The following LCTL variants were observed in gnomAD, a reference collection of about 807,000 sequenced individuals.
LCTL encodes lactase like, also known as lactase-like protein.
Under a neutral mutation model 75.8 loss-of-function variants are expected in LCTL, and 76 were observed. The observed-to-expected ratio is 1.00, with a 90% CI of 0.83 to 1.21. LCTL has a LOEUF of 1.21. Among genes scored for constraint, LCTL ranks in the 50% most tolerant of loss-of-function variants. The pLI, the probability that LCTL is intolerant of heterozygous loss-of-function variation, is 0.00. For synonymous variants in LCTL, 271 were observed against 268.8 expected (o/e 1.01, Z -0.08); for missense variants, 670 against 712.4 (o/e 0.94, Z 0.68).
At chr15:66,548,316 C>A in exon 13 of LCTL, 1 of 381,906 alleles carries the variant, frequency 2.6e-6, no homozygotes, top group Non-Finnish European at 4.7e-6. Context: ...TTTTTAATTT[C>A]TGCTTATTTT....
intron 10 of LCTL, 69 bp downstream of exon 11, chr15:66,551,974 A>C: frequency 6.4e-7 from 1 of 1,566,402 alleles, no homozygotes; most frequent in South Asian, 1.2e-5. Context: ...GTTTCAGTTG[A>C]TTGTGTGTTA....
chr15:66,561,892 G>T (rs376519529), intron 4 of LCTL, among the ~76,000 whole-genome samples: 9 of 152,196 alleles, frequency 5.9e-5, no homozygotes, highest in African/African-American at 2.2e-4. Flanking sequence ...AGTCATCTTA[G>T]CTCAGCACTC....
At chr15:66,561,416 C>T (rs561548104) in intron 4 of LCTL, 101 bp from the exon 6 acceptor site, 85 of 1,318,526 alleles carry the variant, frequency 6.4e-5, no homozygotes, top group Admixed American at 1.1e-4. Context: ...GGAGGGAGGC[C>T]GCACAGGGAG....
intron 9 of LCTL, among the ~76,000 whole-genome samples, chr15:66,552,738 C>T (rs1050852977): frequency 2.0e-5 from 3 of 150,616 alleles, no homozygotes; most frequent in African/African-American, 7.3e-5. Flanking sequence ...GCCACATATT[C>T]CAGTTTAGGT....
chr15:66,554,154 G>GGTGGT (rs1269363670), intron 8 of LCTL, among the ~76,000 whole-genome samples: 2 of 151,708 alleles, frequency 1.3e-5, no homozygotes, highest in Non-Finnish European at 1.5e-5. Flanking sequence ...AGCCAGGGGT[G>GGTGGT]GTGGTGCGTG....
Position 66,548,624 on chromosome 15 carries a change from C to T in LCTL, c.1589-19G>A, listed in dbSNP as rs747127021. 4.0e-6 allele frequency: 5 copies of T among 1,260,854 alleles called. No homozygotes were observed. Among genetic ancestry groups the T allele is most frequent in the Admixed American group, 3.4e-5 (2 of 59,410 alleles). The allele number at this position is 1,260,854 out of a possible 1,614,324, so 78.1% of individuals were successfully genotyped here. A position where few individuals can be genotyped will look rare whatever the true frequency, so the allele number is the denominator to read the frequency against. On this transcript the variant is annotated intron_variant, in intron 12 of 12. Transcript: ENST00000341509. ...AAGGGCTCTGAAATGACAAAGAGAA[C>T]GAGCACCACAAATGAGAACAGGATC...
chr15:66,560,236 G>A (rs1395920931), intron 6 of LCTL, among the ~76,000 whole-genome samples: 3 of 152,126 alleles, frequency 2.0e-5, no homozygotes, highest in Non-Finnish European at 2.9e-5. Flanking sequence ...TTCCAGCTTA[G>A]ACAGATTGTC....
Position 66,563,499 on chromosome 15 carries a change from C to G in LCTL, c.480+17G>C. ...GTTGAGTCCCCTTTGGGCCTGTGAG[C>G]CTGCTCAGGTCCTCACCTGTGGCAG... On this transcript the variant is annotated intron_variant, in intron 4 of 12. Transcript: ENST00000341509. 5.0e-6 allele frequency: 8 copies of G among 1,590,534 alleles called. No individual in the cohort carries two copies. Among genetic ancestry groups the G allele is most frequent in the Non-Finnish European group, 6.9e-6 (8 of 1,160,596 alleles).
chr15:66,561,153 G>A (rs1895877004), intron 5 of LCTL, 34 bp downstream of exon 6: 2 of 1,614,080 alleles, frequency 1.2e-6, no homozygotes, highest in South Asian at 1.1e-5. Flanking sequence ...GGCAGGGAGT[G>A]TCACATTCTC....
exon 1 of LCTL, chr15:66,565,416 C>G: frequency 5.0e-6 from 6 of 1,211,606 alleles, no homozygotes; most frequent in Non-Finnish European, 5.9e-6. Context: ...CTCTGCAGGC[C>G]CCTGCAGCCA....
rs772124989 is a variant in LCTL at position 66,553,280 on chromosome 15, A to G, written c.923-22T>C. The G allele has an allele frequency of 2.0e-6, 3 of 1,512,916 alleles. No individual in the cohort carries two copies. In the East Asian group the frequency reaches 7.1e-5, roughly 36 times the overall value. The allele number at this position is 1,512,916 out of a possible 1,614,324, so 93.7% of individuals were successfully genotyped here. A position where few individuals can be genotyped will look rare whatever the true frequency, so the allele number is the denominator to read the frequency against. ...CTTCCTTTTGAGAGAGAAAAGTAGA[A>G]TTTAACAAAGCCTTATTTTCTCCCA... On this transcript the variant is annotated intron_variant, in intron 8 of 12. Coordinates refer to ENST00000341509, the Ensembl canonical transcript of LCTL.
rs772172378 is a variant in LCTL, at chr15:66,553,180, C to T, written c.1001G>A (p.Gly334Asp). The T allele has an allele frequency of 9.3e-6, 15 of 1,610,802 alleles. 1 individual carries two copies. In the South Asian group the frequency reaches 1.4e-4, roughly 15 times the overall value. Residue 334 changes from glycine to aspartate, a missense_variant, in exon 9 of 13, where the codon GGC becomes GAC. By Grantham distance (94) the Gly-to-Asp change is moderately conservative. Transcript: ENST00000341509. ...ACCTAATCCCAAGAAATCGGATGTG[C>T]CTTTAATGTAGCTCTTCTCCTGGAG...
Position 66,564,641 on chromosome 15 carries a change from G to A in LCTL, c.282+35C>T, listed in dbSNP as rs201985615. On this transcript the variant is annotated intron_variant, in intron 2 of 12. Coordinates refer to ENST00000341509, the Ensembl canonical transcript of LCTL. ...CATGTACTCACATGTGTGTGCACGC[G>A]CGCGCACACACACACACTCACACCC... is the stretch of plus-strand genomic sequence containing the variant. The A allele has an allele frequency of 7.3e-5, 117 of 1,598,906 alleles. 1 individual carries two copies. Among genetic ancestry groups the A allele is most frequent in the South Asian group, 8.9e-5 (8 of 90,008 alleles).
chr15:66,552,673 A>G (rs1391342317), intron 9 of LCTL, among the ~76,000 whole-genome samples: 1 of 142,396 alleles, frequency 7.0e-6, no homozygotes, highest in Non-Finnish European at 1.6e-5. Context: ...GTCTCAAAAA[A>G]AAAAAAAAAA....
chr15:66,561,140 A>G, intron 5 of LCTL, 39 bp from the exon 7 acceptor site: 1 of 1,614,158 alleles, frequency 6.2e-7, no homozygotes, highest in South Asian at 1.1e-5. Context: ...ATCCATAAGA[A>G]GTGGCAGGGA....
chr15:66,564,920 C>T (rs746550159), intron 1 of LCTL, 81 bp from the exon 3 acceptor site: 1 of 1,373,240 alleles, frequency 7.3e-7, no homozygotes, highest in Non-Finnish European at 1.0e-6. Flanking sequence ...GCCTCCCAGG[C>T]CTCAGGGACT....
At chr15:66,554,556 A>T (rs1487171541) in intron 8 of LCTL, among the ~76,000 whole-genome samples, 1 of 152,232 alleles carries the variant, frequency 6.6e-6, no homozygotes, top group African/African-American at 2.4e-5. Flanking sequence ...CATCTTTCAA[A>T]GTTGTAAAAG....
At chr15:66,553,642 C>G (rs1374896850) in intron 8 of LCTL, among the ~76,000 whole-genome samples, 1 of 151,402 alleles carries the variant, frequency 6.6e-6, no homozygotes, top group Non-Finnish European at 1.5e-5. Context: ...GTAGTCCCAG[C>G]TACTTGGGAG....
At chr15:66,562,678 G>A (rs1013311585) in intron 4 of LCTL, among the ~76,000 whole-genome samples, 5 of 151,576 alleles carry the variant, frequency 3.3e-5, no homozygotes, top group South Asian at 2.1e-4. Flanking sequence ...TTTGCTTCCC[G>A]GGTTCAAGCG....
Sources: allele counts gnomAD v4.1 joint callset (sites outside exome capture counted in the v4.1 genomes callset), GRCh38; gene constraint gnomAD v4.1.1; transcripts MANE v1.5; gene names NCBI Gene and HGNC (gene_info 2026-07-23, HGNC 2026-07-21).